The following SNRK variants were observed in gnomAD, a reference collection of about 807,000 sequenced individuals.
The protein encoded by SNRK is SNF related kinase.
SNRK carries 3 observed loss-of-function variants against 48.2 expected under a neutral mutation model. The ratio of observed to expected loss-of-function variants is 0.06; its 90% CI spans 0.03 to 0.16. The LOEUF is 0.16. Ranked by LOEUF, SNRK falls within the 10% of genes least tolerant of loss-of-function variation. The pLI is 1.00. For synonymous variants in SNRK, 376 were observed against 366.1 expected, an observed-to-expected ratio of 1.03 and a Z score of -0.31; for missense variants, 627 against 976.0, an observed-to-expected ratio of 0.64 and a Z score of 4.76.
intron 3 of SNRK, among the ~76,000 whole-genome samples, chr3:43,324,576 A>G (rs529286995): frequency 3.9e-5 from 6 of 152,058 alleles, no homozygotes; most frequent in Non-Finnish European, 8.8e-5. Context: ...AATCTGAAAG[A>G]AGTAAGTGTT....
At chr3:43,329,971 G>A (rs1244141718) in intron 3 of SNRK, among the ~76,000 whole-genome samples, 5 of 152,128 alleles carry the variant, frequency 3.3e-5, no homozygotes, top group Non-Finnish European at 7.4e-5. Flanking sequence ...GTTTGGCATG[G>A]ACAAGAGGTA....
At chr3:43,346,426 G>A (rs2091276687) in intron 6 of SNRK, among the ~76,000 whole-genome samples, 1 of 152,170 alleles carries the variant, frequency 6.6e-6, no homozygotes, top group Non-Finnish European at 1.5e-5. Context: ...ATTCAGAATA[G>A]CAGCTAGAGA....
At chr3:43,344,416 A>G (rs1046291453) in intron 6 of SNRK, among the ~76,000 whole-genome samples, 9 of 152,208 alleles carry the variant, frequency 5.9e-5, no homozygotes, top group Non-Finnish European at 1.3e-4. Flanking sequence ...TGTACCTCCA[A>G]GTATTTATGA....
chr3:43,300,703 A>G (rs1256676866), intron 2 of SNRK, among the ~76,000 whole-genome samples: 2 of 151,800 alleles, frequency 1.3e-5, no homozygotes, highest in African/African-American at 4.9e-5. Context: ...AGGTCTTTCA[A>G]TTTGGATTTT....
At chr3:43,325,718 A>G (rs2091092117) in intron 3 of SNRK, among the ~76,000 whole-genome samples, 1 of 152,206 alleles carries the variant, frequency 6.6e-6, no homozygotes, top group Non-Finnish European at 1.5e-5. Context: ...TGCATTTGTC[A>G]TAATCTTGTG....
chr3:43,290,056 A>G (rs1559456944), intron 1 of SNRK, among the ~76,000 whole-genome samples: 1 of 152,228 alleles, frequency 6.6e-6, no homozygotes, highest in South Asian at 2.1e-4. Context: ...CCTGGATTAC[A>G]CAACATAACG....
Position 43,332,301 on chromosome 3 carries a change from A to C in SNRK, c.722A>C (p.Glu241Ala). Reference protein sequence around the residue: ...KYTVPSHVSKECKDLITRMLQ... With the variant: ...KYTVPSHVSKACKDLITRMLQ... ...ACAGTACCATCCCATGTGTCTAAAG[A>C]GTGTAAAGAGTAAGTAAAACAAAGT... The change falls in exon 4 of 7, where the codon GAG becomes GCG. Residue 241 changes from glutamate to alanine, a missense_variant. Coordinates refer to ENST00000296088, the MANE Select transcript of SNRK (RefSeq NM_017719.5). 6.8e-7 allele frequency: 1 copy of C among 1,464,880 alleles called. No individual in the cohort carries two copies. Among genetic ancestry groups the C allele is most frequent in the East Asian group, 2.6e-5 (1 of 39,062 alleles). The allele number at this position is 1,464,880 out of a possible 1,614,324, so 90.7% of individuals were successfully genotyped here. A position where few individuals can be genotyped will look rare whatever the true frequency, so the allele number is the denominator to read the frequency against.
rs544993997 is a variant in SNRK, at chr3:43,301,401, T to C, written c.-107+1586T>C. Among the ~76,000 whole-genome samples the C allele has an allele frequency of 7.2e-5, 11 of 152,290 alleles. No homozygotes were observed. In the East Asian group the frequency reaches 1.9e-3, roughly 27 times the overall value. Reference sequence around the variant, plus strand: ...GGCTTTGAAATGTATTAATTAGGTGTGAATCCTAGGTTTTGTAGTTAATGT... The same window carrying C: ...GGCTTTGAAATGTATTAATTAGGTGCGAATCCTAGGTTTTGTAGTTAATGT... On this transcript the variant is annotated intron_variant, in intron 2 of 6. Transcript: ENST00000296088.
chr3:43,338,639 C>G lies in SNRK; in HGVS notation c.732-1648C>G, dbSNP rs2091208920. On this transcript the variant is annotated intron_variant, in intron 4 of 6. Transcript: ENST00000296088. ...TTCTTCCTCATTTTCTCATTTCCCT[C>G]ACTCTGTCCTCTTCTTTTTATAAAA... Among the ~76,000 whole-genome samples, 3 of 152,212 alleles carry G rather than the reference C, an allele frequency of 2.0e-5. No individual in the cohort carries two copies. The South Asian group carries it at 6.2e-4, about 31-fold the overall frequency.
intron 3 of SNRK, among the ~76,000 whole-genome samples, chr3:43,305,312 G>A (rs765579294): frequency 1.3e-5 from 2 of 152,026 alleles, no homozygotes; most frequent in Admixed American, 6.6e-5. Flanking sequence ...TTCAAAGAAC[G>A]TTTTTAACAG....
chr3:43,308,631 A>G (rs1443523378), intron 3 of SNRK, among the ~76,000 whole-genome samples: 2 of 152,222 alleles, frequency 1.3e-5, no homozygotes, highest in Non-Finnish European at 2.9e-5. Flanking sequence ...TAGACCTACT[A>G]CTAAGAAAAA....
At chr3:43,307,633 A>G (rs572726282) in intron 3 of SNRK, among the ~76,000 whole-genome samples, 1 of 152,248 alleles carries the variant, frequency 6.6e-6, no homozygotes, top group Admixed American at 6.5e-5. Flanking sequence ...AGCAAACTTA[A>G]CCAATAAATG....
intron 1 of SNRK, among the ~76,000 whole-genome samples, chr3:43,299,234 A>G (rs933754893): frequency 7.2e-5 from 11 of 152,188 alleles, no homozygotes; most frequent in South Asian, 2.1e-4. Flanking sequence ...TTGGAGTGCA[A>G]TGGCGCCATC....
chr3:43,315,499 C>T (rs2091007479), intron 3 of SNRK, among the ~76,000 whole-genome samples: 1 of 152,156 alleles, frequency 6.6e-6, no homozygotes, highest in African/African-American at 2.4e-5. Flanking sequence ...ATATTACTTC[C>T]TCTTGTACTA....
chr3:43,315,804 C>T (rs2091009438), intron 3 of SNRK, among the ~76,000 whole-genome samples: 1 of 152,160 alleles, frequency 6.6e-6, no homozygotes, highest in Admixed American at 6.6e-5. Context: ...AACAACGTAT[C>T]CATAGAAATG....
intron 3 of SNRK, among the ~76,000 whole-genome samples, chr3:43,330,016 G>T (rs969537729): frequency 6.6e-6 from 1 of 152,172 alleles, no homozygotes; most frequent in Non-Finnish European, 1.5e-5. Flanking sequence ...GTTATAGTAT[G>T]AGATAGTAGT....
intron 5 of SNRK, 24 bp from the exon 6 acceptor site, chr3:43,343,320 T>C (rs1462639784): frequency 2.5e-6 from 4 of 1,579,386 alleles, no homozygotes; most frequent in East Asian, 4.5e-5. Context: ...TGGCTGACGT[T>C]TGCTCTCACC....
At chr3:43,328,521 C>G (rs1364815711) in intron 3 of SNRK, among the ~76,000 whole-genome samples, 2 of 151,998 alleles carry the variant, frequency 1.3e-5, no homozygotes, top group Non-Finnish European at 1.5e-5. Flanking sequence ...TAGGCATGCA[C>G]CACTGTGCCT....
chr3:43,298,535 C>A (rs929791607), intron 1 of SNRK, among the ~76,000 whole-genome samples: 1 of 152,296 alleles, frequency 6.6e-6, no homozygotes, highest in East Asian at 1.9e-4. Context: ...GCTTTCATAT[C>A]CAGAGGTCAA....
Sources: gnomAD v4.1 joint callset for allele counts (sites outside exome capture counted in the v4.1 genomes callset) on GRCh38, gnomAD v4.1.1 for gene constraint, MANE v1.5 for transcripts, NCBI Gene and HGNC (gene_info 2026-07-23, HGNC 2026-07-21) for gene names.